The following HIF1A variants were observed in gnomAD, a reference collection of about 807,000 sequenced individuals.
HIF1A encodes hypoxia inducible factor 1 subunit alpha.
Under a neutral mutation model 92.7 loss-of-function variants are expected in HIF1A, and 24 were observed. The ratio of observed to expected loss-of-function variants is 0.26; its 90% CI spans 0.19 to 0.36. The LOEUF is 0.36. Ranked by LOEUF, HIF1A falls within the 10% of genes least tolerant of loss-of-function variation. HIF1A has a pLI of 1.00. For synonymous variants in HIF1A, 319 were observed against 338.7 expected, an observed-to-expected ratio of 0.94 and a Z score of 0.64; for missense variants, 799 against 998.5, an observed-to-expected ratio of 0.80 and a Z score of 2.69.
intron 1 of HIF1A, among the ~76,000 whole-genome samples, chr14:61,717,996 G>A (rs2140134209): frequency 6.8e-6 from 1 of 147,918 alleles, no homozygotes; most frequent in South Asian, 2.2e-4. Flanking sequence ...ACTCCAGCCT[G>A]GGTGACAAGA....
intron 1 of HIF1A, among the ~76,000 whole-genome samples, chr14:61,707,592 T>C (rs2140123625): frequency 6.6e-6 from 1 of 151,988 alleles, no homozygotes; most frequent in South Asian, 2.1e-4. Flanking sequence ...TTGCTGAGAA[T>C]GATGGTTTCC....
chr14:61,740,390 G>C, intron 10 of HIF1A, 115 bp from the exon 11 acceptor site: 3 of 755,364 alleles, frequency 4.0e-6, no homozygotes, highest in Non-Finnish European at 6.5e-6. Context: ...TGATAAACAC[G>C]ATGGACTTGG....
rs772703082 is a variant in HIF1A at position 61,740,606 on chromosome 14, A to G, written c.1638A>G (p.Ala546=). The G allele has an allele frequency of 1.1e-5, 17 of 1,606,856 alleles. No homozygotes were observed. In the Admixed American group the frequency reaches 2.6e-4, roughly 24 times the overall value. The change falls in exon 11 of 15, where the codon GCA becomes GCG. Residue 546 remains alanine, a synonymous_variant. Coordinates refer to ENST00000337138, the MANE Select transcript of HIF1A (RefSeq NM_001530.4). The part of the protein sequence containing the change: ...VEKLFAEDTE[A]KNPFSTQDTD... ...AACTTTTTGCTGAAGACACAGAAGC[A>G]AAGAACCCATTTTCTACTCAGGTAT... is the stretch of plus-strand genomic sequence containing the variant.
At position 61,741,020 on chromosome 14, in the gene HIF1A, C is replaced by T. The variant is rs2044703731; in HGVS notation, c.1925C>T (p.Pro642Leu). 1 of 1,613,998 alleles carries T rather than the reference C, an allele frequency of 6.2e-7. No individual in the cohort carries two copies. Among genetic ancestry groups the T allele is most frequent in the African/African-American group, 1.3e-5 (1 of 74,908 alleles). The change falls in exon 12 of 15, where the codon CCA becomes CTA. Residue 642 changes from proline (P) to leucine (L), a missense_variant. Physicochemically the swap from Pro to Leu is moderately conservative, Grantham distance 98. Transcript: ENST00000337138. ...MEDIKILIASPSPTHIHKETT... is the reference protein window; with the variant it reads ...MEDIKILIASLSPTHIHKETT... Reference sequence around the variant, plus strand: ...GACATTAAAATATTGATTGCATCTCCATCTCCTACCCACATACATAAAGAA... The same window carrying T: ...GACATTAAAATATTGATTGCATCTCTATCTCCTACCCACATACATAAAGAA...
In HIF1A at chr14:61,747,124, G is replaced by A. The variant is rs762278418; in HGVS notation, c.*39G>A. Reference sequence around the variant, plus strand: ...TTCATTCCTTTTTTTGGACACTGGTGGCTCATTACCTAAAGCAGTCTATTT... The same window carrying A: ...TTCATTCCTTTTTTTGGACACTGGTAGCTCATTACCTAAAGCAGTCTATTT... On this transcript the variant is annotated 3_prime_UTR_variant, in exon 15 of 15. Transcript: ENST00000337138. 2.4e-5 allele frequency: 37 copies of A among 1,564,880 alleles called. No individual in the cohort carries two copies. The East Asian group carries it at 2.9e-4, about 12-fold the overall frequency.
chr14:61,740,498 T>C lies in HIF1A; in HGVS notation c.1537-7T>C. 1 of 1,554,736 alleles carries C rather than the reference T, an allele frequency of 6.4e-7. No individual in the cohort carries two copies. Among genetic ancestry groups the C allele is most frequent in the Middle Eastern group, 1.8e-4 (1 of 5,706 alleles). On this transcript the variant is annotated splice_region_variant and splice_polypyrimidine_tract_variant and intron_variant, in intron 10 of 14. Coordinates refer to ENST00000337138, the MANE Select transcript of HIF1A (RefSeq NM_001530.4). ...TCAGGAAATAGTAAACATATTTCTT[T>C]TTACAGCCTAATAGTCCCAGTGAAT...
At chr14:61,743,637 T>C (rs1057305439) in intron 12 of HIF1A, among the ~76,000 whole-genome samples, 1 of 152,246 alleles carries the variant, frequency 6.6e-6, no homozygotes, top group Non-Finnish European at 1.5e-5. Context: ...ACTTACCTAT[T>C]TGGCATTCTC....
At chr14:61,744,638 T>G (rs1469235746) in intron 12 of HIF1A, 67 bp from the exon 13 acceptor site, 1 of 636,080 alleles carries the variant, frequency 1.6e-6, no homozygotes, top group Non-Finnish European at 2.8e-6. Context: ...GTATTTTCTT[T>G]AAAAGCGCTC....
intron 13 of HIF1A, 198 bp from the exon 14 acceptor site, chr14:61,745,493 C>A: frequency 1.7e-6 from 1 of 587,590 alleles, no homozygotes; most frequent in Non-Finnish European, 3.0e-6. Context: ...TATTTTCAAA[C>A]TAAATTAACT....
chr14:61,733,073 T>TTTTTA (rs201955172), intron 7 of HIF1A, among the ~76,000 whole-genome samples: 18 of 152,234 alleles, frequency 1.2e-4, no homozygotes, highest in South Asian at 2.1e-4. Flanking sequence ...CTTTTGGTTA[T>TTTTTA]TTTTATTTTA....
At position 61,745,757 on chromosome 14, in the gene HIF1A, G is replaced by C. The variant is rs2044773805; in HGVS notation, c.2269G>C (p.Gly757Arg). The change falls in exon 14 of 15, where the codon GGA becomes CGA. Residue 757 changes from glycine (G) to arginine (R), a missense_variant. Gly to Arg is a moderately radical substitution (Grantham distance 125, BLOSUM62 -2). Around this residue, in one of 2 missense-constraint regions of HIF1A, gnomAD observed 283 missense variants for 277.5 expected, o/e 1.02. Coordinates refer to ENST00000337138, the MANE Select transcript of HIF1A (RefSeq NM_001530.4). Reference protein sequence around the residue: ...TTSLSWKRVKGCKSSEQNGME... With the variant: ...TTSLSWKRVKRCKSSEQNGME... The stretch of plus-strand genomic sequence containing the variant: ...ATCACTTTCTTGGAAACGTGTAAAA[G>C]GATGCAAATCTAGTGAACAGAATGG... 1 of 1,611,818 alleles carries C rather than the reference G, an allele frequency of 6.2e-7. No individual in the cohort carries two copies. The highest frequency in any genetic ancestry group is 2.2e-5 in the East Asian group (1 of 44,848).
intron 1 of HIF1A, among the ~76,000 whole-genome samples, chr14:61,699,127 A>G (rs1352916605): frequency 2.6e-5 from 4 of 152,184 alleles, no homozygotes; most frequent in African/African-American, 9.7e-5. Flanking sequence ...TGAAGGCAAG[A>G]CTTCAAGCTT....
chr14:61,734,641 T>C (rs1163147633), intron 8 of HIF1A, among the ~76,000 whole-genome samples: 1 of 152,224 alleles, frequency 6.6e-6, no homozygotes, highest in African/African-American at 2.4e-5. Context: ...TGGCCTAGAT[T>C]TGTATCATAG....
chr14:61,724,349 T>TTCTTTCTCTCTCTC (rs2044472607), intron 4 of HIF1A, among the ~76,000 whole-genome samples: 1 of 96,096 alleles, frequency 1.0e-5, no homozygotes, highest in Non-Finnish European at 2.1e-5. Flanking sequence ...CACACACACA[T>TTCTTTCTCTCTCTC]TCTCTCTCTC....
chr14:61,746,854 A>G (rs1264777905), intron 14 of HIF1A, 80 bp from the exon 15 acceptor site: 5 of 1,150,214 alleles, frequency 4.3e-6, no homozygotes, highest in Non-Finnish European at 6.1e-6. Context: ...ATTTTCTATG[A>G]TACCTAACAC....
rs763538721 is a variant in HIF1A, at chr14:61,740,897, T to A, written c.1802T>A (p.Val601Glu). The change falls in exon 12 of 15, where the codon GTA (valine) becomes GAA (glutamate). Residue 601 changes from valine to glutamate, a missense_variant. Physicochemically the swap from Val to Glu is moderately radical, Grantham distance 121. Coordinates refer to ENST00000337138, the MANE Select transcript of HIF1A (RefSeq NM_001530.4). ...ESASPQSTVT[V>E]FQQTQIQEPT... ...GCAAGTCCTCAAAGCACAGTTACAG[T>A]ATTCCAGCAGACTCAAATACAAGAA... The A allele has an allele frequency of 6.2e-7, 1 of 1,614,170 alleles. No homozygotes were observed. The highest frequency in any genetic ancestry group is 8.5e-7 in the Non-Finnish European group (1 of 1,180,044).
At position 61,714,907 on chromosome 14, in the gene HIF1A, G is replaced by A. The variant is rs1319044470; in HGVS notation, c.36-5475G>A. On this transcript the variant is annotated intron_variant, in intron 1 of 14. Transcript: ENST00000337138. Reference sequence around the variant, plus strand: ...AAATTAGCTGGGCGTGGTGGCACACGCCTGTAATCCCAGCTACTCGGGAGG... The same window carrying A: ...AAATTAGCTGGGCGTGGTGGCACACACCTGTAATCCCAGCTACTCGGGAGG... Among the ~76,000 whole-genome samples the A allele has an allele frequency of 3.9e-5, 6 of 152,078 alleles. 1 individual carries two copies. The highest frequency in any genetic ancestry group is 7.4e-5 in the Non-Finnish European group (5 of 68,006).
intron 1 of HIF1A, among the ~76,000 whole-genome samples, chr14:61,704,697 G>GAAAACAT (rs1359581156): frequency 2.0e-5 from 3 of 152,280 alleles, no homozygotes; most frequent in Non-Finnish European, 4.4e-5. Flanking sequence ...ACTTATTTCA[G>GAAAACAT]TGGTTCAAAA....
chr14:61,707,483 C>A (rs955661578), intron 1 of HIF1A, among the ~76,000 whole-genome samples: 5 of 151,926 alleles, frequency 3.3e-5, no homozygotes, highest in Admixed American at 6.5e-5. Flanking sequence ...CAGGCCCCGG[C>A]GTGTGATGTT....
Sources: allele counts gnomAD v4.1 joint callset (sites outside exome capture counted in the v4.1 genomes callset), GRCh38; gene constraint gnomAD v4.1.1; regional missense constraint gnomAD v4.1.1; transcripts MANE v1.5; gene names NCBI Gene and HGNC (gene_info 2026-07-23, HGNC 2026-07-21).